The following TRPM3 variants were observed in gnomAD, a reference collection of about 807,000 sequenced individuals.
TRPM3 encodes the protein long transient receptor potential channel 3.
Under a neutral mutation model 181.2 loss-of-function variants are expected in TRPM3, and 77 were observed. The ratio of observed to expected loss-of-function variants is 0.42; its 90% CI spans 0.35 to 0.51. The LOEUF (loss-of-function observed/expected upper bound fraction) is 0.51. TRPM3 is among the 20% of genes least tolerant of loss of function. TRPM3 has a pLI of 0.01. For missense variants in TRPM3, 1,759 were observed against 2,196.7 expected (o/e 0.80, Z 3.98); for synonymous variants, 745 against 796.4 (o/e 0.94, Z 1.09).
At chr9:70,887,997 G>A (rs996431873) in intron 1 of TRPM3, among the ~76,000 whole-genome samples, 3 of 152,126 alleles carry the variant, frequency 2.0e-5, no homozygotes, top group Non-Finnish European at 4.4e-5. Flanking sequence ...TTAAACCAAT[G>A]TCACTTCTAA....
intron 1 of TRPM3, among the ~76,000 whole-genome samples, chr9:70,889,630 T>C (rs981639162): frequency 7.9e-5 from 12 of 152,160 alleles, no homozygotes; most frequent in South Asian, 4.1e-4. Context: ...TGGGTATCCA[T>C]AGAAAAGACC....
intron 1 of TRPM3, among the ~76,000 whole-genome samples, chr9:71,303,930 A>G (rs1272602224): frequency 1.3e-5 from 2 of 152,228 alleles, no homozygotes; most frequent in Non-Finnish European, 2.9e-5. Context: ...TCCTATACAA[A>G]AACTTGTGGA....
At chr9:70,789,521 G>A (rs969151476) in intron 6 of TRPM3, among the ~76,000 whole-genome samples, 3 of 152,146 alleles carry the variant, frequency 2.0e-5, no homozygotes, top group African/African-American at 7.2e-5. Context: ...TTTGGTTTTG[G>A]AATGAAGTAA....
At chr9:70,826,229 C>G (rs1390521243) in intron 6 of TRPM3, 1 of 152,172 alleles carries the variant, frequency 6.6e-6, no homozygotes, top group Non-Finnish European at 1.5e-5. Context: ...AACATTTGCC[C>G]ATTCTATCAA....
intron 1 of TRPM3, among the ~76,000 whole-genome samples, chr9:70,875,876 G>C (rs2095860595): frequency 6.6e-6 from 1 of 151,836 alleles, no homozygotes; most frequent in Non-Finnish European, 1.5e-5. Context: ...TAACTCTCTG[G>C]AAATGAAAAA....
intron 1 of TRPM3, among the ~76,000 whole-genome samples, chr9:71,265,473 T>C (rs1451823048): frequency 6.6e-6 from 1 of 152,238 alleles, no homozygotes; most frequent in South Asian, 2.1e-4. Context: ...TGTAAGTGAA[T>C]GTATTTGCTA....
chr9:71,020,682 A>G (rs1481957261), intron 1 of TRPM3, among the ~76,000 whole-genome samples: 2 of 152,176 alleles, frequency 1.3e-5, no homozygotes, highest in Admixed American at 6.5e-5. Flanking sequence ...TGAGATAAAA[A>G]CATCTACTCT....
chr9:70,629,831 T>C (rs2065465932), intron 12 of TRPM3, among the ~76,000 whole-genome samples: 1 of 152,234 alleles, frequency 6.6e-6, no homozygotes, highest in African/African-American at 2.4e-5. Flanking sequence ...ACAGAGATTT[T>C]AGGGAGCAAA....
chr9:70,784,652 C>CT (rs2083204478), intron 6 of TRPM3, among the ~76,000 whole-genome samples: 1 of 152,134 alleles, frequency 6.6e-6, no homozygotes, highest in Non-Finnish European at 1.5e-5. Flanking sequence ...TGAAGCAAGT[C>CT]TTTTATCTTT....
At chr9:71,402,054 G>C (rs1158905996) in intron 1 of TRPM3, among the ~76,000 whole-genome samples, 3 of 152,180 alleles carry the variant, frequency 2.0e-5, no homozygotes, top group Non-Finnish European at 4.4e-5. Flanking sequence ...CTTTCAGCCA[G>C]CGAGGTTGAA....
chr9:71,006,374 C>A (rs1253068844), intron 1 of TRPM3, among the ~76,000 whole-genome samples: 7 of 151,722 alleles, frequency 4.6e-5, no homozygotes, highest in African/African-American at 9.7e-5. Context: ...GAATTAAATT[C>A]TCTAATTAAA....
At chr9:71,175,004 G>A (rs1025359692) in intron 1 of TRPM3, among the ~76,000 whole-genome samples, 5 of 152,146 alleles carry the variant, frequency 3.3e-5, no homozygotes, top group African/African-American at 1.2e-4. Context: ...ATAAGGACAT[G>A]GTAGGCAGAG....
intron 1 of TRPM3, among the ~76,000 whole-genome samples, chr9:71,051,623 T>C (rs1057411337): frequency 2.6e-5 from 4 of 152,116 alleles, no homozygotes; most frequent in African/African-American, 9.7e-5. Context: ...TATAGTCTTA[T>C]TGTACATTCC....
chr9:71,015,437 G>A (rs573129410), intron 1 of TRPM3, among the ~76,000 whole-genome samples: 6 of 152,308 alleles, frequency 3.9e-5, no homozygotes, highest in Non-Finnish European at 8.8e-5. Flanking sequence ...AATTTCCCAT[G>A]TTCCAGATAA....
intron 22 of TRPM3, among the ~76,000 whole-genome samples, chr9:70,566,335 C>A (rs939025328): frequency 2.0e-5 from 3 of 151,924 alleles, no homozygotes; most frequent in Non-Finnish European, 4.4e-5. Context: ...ATGCTCTAAG[C>A]ACCAGGCACT....
chr9:70,546,146 T>C (rs1736827705), intron 25 of TRPM3, among the ~76,000 whole-genome samples: 1 of 152,188 alleles, frequency 6.6e-6, no homozygotes, highest in African/African-American at 2.4e-5. Context: ...GATGCCAGGA[T>C]TTTATATGCT....
intron 22 of TRPM3, among the ~76,000 whole-genome samples, chr9:70,560,938 A>C (rs1325214018): frequency 2.6e-5 from 4 of 152,218 alleles, no homozygotes; most frequent in African/African-American, 9.6e-5. Context: ...TATTTATTTA[A>C]TATGCACACC....
chr9:70,584,579 C>A (rs921682418), intron 22 of TRPM3, among the ~76,000 whole-genome samples: 5 of 152,180 alleles, frequency 3.3e-5, no homozygotes, highest in Admixed American at 2.6e-4. Context: ...TGGACCTTAT[C>A]ATTATTCTAA....
chr9:70,682,602 G>A (rs1254787561), intron 8 of TRPM3, among the ~76,000 whole-genome samples: 2 of 152,100 alleles, frequency 1.3e-5, no homozygotes, highest in Non-Finnish European at 2.9e-5. Context: ...GTATCATTTT[G>A]TACATAAACA....
Sources: allele counts gnomAD v4.1 joint callset (sites outside exome capture counted in the v4.1 genomes callset), GRCh38; gene constraint gnomAD v4.1.1; transcripts MANE v1.5; gene names NCBI Gene and HGNC (gene_info 2026-07-23, HGNC 2026-07-21).